The following SLC5A11 variants were observed in gnomAD, a reference collection of about 807,000 sequenced individuals.
The protein encoded by SLC5A11 is sodium/myo-inositol cotransporter 2.
Under a neutral mutation model 69.8 loss-of-function variants are expected in SLC5A11, and 48 were observed. That is an observed-to-expected ratio of 0.69 (90% CI 0.55 to 0.87). The LOEUF is 0.87. Among genes scored for constraint, SLC5A11 ranks in the 40% least tolerant of loss-of-function variants. The pLI is 0.00. For missense variants in SLC5A11, 784 were observed against 866.1 expected (o/e 0.91, Z 1.19); for synonymous variants, 319 against 342.4 (o/e 0.93, Z 0.75).
chr16:24,857,025 G>T lies in SLC5A11; in HGVS notation c.-24-1595G>T, dbSNP rs190214100. Among the ~76,000 whole-genome samples the T allele has an allele frequency of 4.7e-4, 72 of 152,212 alleles. 1 individual carries two copies. Among genetic ancestry groups the T allele is most frequent in the South Asian group, 3.7e-3 (18 of 4,818 alleles). On this transcript the variant is annotated intron_variant, in intron 1 of 15. Transcript: ENST00000347898. ...TAGTAGAGACGGGGTCCACCACGTT[G>T]CCCAGGTTGGACTTGAACCCCTGGC...
chr16:24,869,763 A>C (rs558028592), intron 3 of SLC5A11, 138 bp from the exon 5 acceptor site: 1 of 609,012 alleles, frequency 1.6e-6, no homozygotes, highest in Non-Finnish European at 2.9e-6. Flanking sequence ...TGTAAACAAA[A>C]ATGCCAGATA....
intron 7 of SLC5A11, among the ~76,000 whole-genome samples, chr16:24,879,192 T>A (rs1055649664): frequency 2.0e-5 from 3 of 152,022 alleles, no homozygotes; most frequent in African/African-American, 7.2e-5. Context: ...TAAGGTGATA[T>A]CTCAACCAAT....
At chr16:24,883,679 C>G (rs1178636672) in intron 7 of SLC5A11, among the ~76,000 whole-genome samples, 1 of 152,186 alleles carries the variant, frequency 6.6e-6, no homozygotes, top group Non-Finnish European at 1.5e-5. Flanking sequence ...CGTGGGGGCC[C>G]TCTTCCTTCA....
At chr16:24,848,844 C>T (rs554578241) in intron 1 of SLC5A11, among the ~76,000 whole-genome samples, 9 of 152,070 alleles carry the variant, frequency 5.9e-5, no homozygotes, top group Admixed American at 2.0e-4. Context: ...GAATGGATAT[C>T]GGGGAGGTAA....
chr16:24,906,878 C>A, intron 11 of SLC5A11, 114 bp downstream of exon 12: 1 of 1,392,064 alleles, frequency 7.2e-7, no homozygotes, highest in Non-Finnish European at 9.9e-7. Context: ...GGGAGGAAGA[C>A]TCTGGGCTCC....
intron 10 of SLC5A11, among the ~76,000 whole-genome samples, chr16:24,901,183 G>A (rs2049563736): frequency 6.6e-6 from 1 of 152,108 alleles, no homozygotes; most frequent in African/African-American, 2.4e-5. Flanking sequence ...GCAGCTCCTG[G>A]CACACAGTAA....
At chr16:24,886,590 C>G (rs1359935638) in intron 8 of SLC5A11, among the ~76,000 whole-genome samples, 1 of 151,986 alleles carries the variant, frequency 6.6e-6, no homozygotes, top group Admixed American at 6.6e-5. Context: ...ATATATCTAG[C>G]TAGGTGTGAA....
At chr16:24,895,220 A>G (rs953046426) in intron 9 of SLC5A11, among the ~76,000 whole-genome samples, 2 of 152,030 alleles carry the variant, frequency 1.3e-5, no homozygotes, top group Admixed American at 6.6e-5. Flanking sequence ...TGGGTGTGGC[A>G]GCTCATGCCT....
At chr16:24,880,332 A>G (rs2047957625) in intron 7 of SLC5A11, among the ~76,000 whole-genome samples, 1 of 151,958 alleles carries the variant, frequency 6.6e-6, no homozygotes, top group Admixed American at 6.6e-5. Flanking sequence ...GGTGCTACAC[A>G]CTTTTTTCTT....
chr16:24,859,477 G>A (rs2059672117), intron 2 of SLC5A11, among the ~76,000 whole-genome samples: 1 of 151,966 alleles, frequency 6.6e-6, no homozygotes, highest in Non-Finnish European at 1.5e-5. Flanking sequence ...ACAGTCACAT[G>A]GCTCACAAAT....
At chr16:24,901,960 A>ACACGCG (rs1029940258) in intron 10 of SLC5A11, among the ~76,000 whole-genome samples, 2 of 129,292 alleles carry the variant, frequency 1.5e-5, no homozygotes, top group Non-Finnish European at 3.4e-5. Context: ...ACACACACGC[A>ACACGCG]CACACACACA....
intron 13 of SLC5A11, 97 bp from the exon 15 acceptor site, chr16:24,908,784 C>T: frequency 8.8e-7 from 1 of 1,130,864 alleles, no homozygotes; most frequent in Non-Finnish European, 1.3e-6. Flanking sequence ...CTTGCAGTGA[C>T]CACCACAAGA....
At chr16:24,877,867 C>T (rs930025727) in intron 7 of SLC5A11, among the ~76,000 whole-genome samples, 7 of 152,228 alleles carry the variant, frequency 4.6e-5, no homozygotes, top group African/African-American at 1.7e-4. Flanking sequence ...GCCTGAAATC[C>T]CAGCTACTCA....
In SLC5A11 at chr16:24,894,802, AAAAC is replaced by A. The variant is rs570227609; in HGVS notation, c.871-3152_871-3149del. Among the ~76,000 whole-genome samples the A allele has an allele frequency of 4.6e-4, 68 of 148,904 alleles. 1 individual carries two copies. The highest frequency in any genetic ancestry group is 1.1e-3 in the South Asian group (5 of 4,642). On this transcript the variant is annotated intron_variant, in intron 9 of 15. Coordinates refer to ENST00000347898, the Ensembl canonical transcript of SLC5A11. ...GTGACAGAGCGAGACTCCGTCCCAA[AAAAC>A]AAACAAACAAACAAACAAAAAGGAA...
chr16:24,877,542 G>A (rs1034920224), intron 7 of SLC5A11, among the ~76,000 whole-genome samples, 179 bp downstream of exon 8: 1 of 152,078 alleles, frequency 6.6e-6, no homozygotes, highest in Non-Finnish European at 1.5e-5. Context: ...AAGGAAGGGG[G>A]TTACCTGATA....
chr16:24,872,957 G>A (rs1740483395), intron 5 of SLC5A11, among the ~76,000 whole-genome samples: 1 of 116,482 alleles, frequency 8.6e-6, no homozygotes, highest in Admixed American at 9.7e-5. Flanking sequence ...GGGCAACATG[G>A]TGAAAACCTG....
intron 10 of SLC5A11, among the ~76,000 whole-genome samples, chr16:24,906,452 C>T (rs2050067137): frequency 1.3e-5 from 2 of 152,142 alleles, no homozygotes; most frequent in East Asian, 1.9e-4. Context: ...CCTATAAAGT[C>T]GTGTTATTAT....
chr16:24,889,211 G>A (rs112068267), intron 8 of SLC5A11, among the ~76,000 whole-genome samples: 2,717 of 152,222 alleles, frequency 0.018, 101 homozygotes, highest in African/African-American at 0.062. Flanking sequence ...AGCCATATGC[G>A]GTGGCTCATG....
At chr16:24,906,922 C>G in intron 11 of SLC5A11, 103 bp from the exon 13 acceptor site, 1 of 1,500,572 alleles carries the variant, frequency 6.7e-7, no homozygotes, top group African/African-American at 1.4e-5. Flanking sequence ...GAAGCTCTGC[C>G]CCGCCGTCCT....
Sources: gnomAD v4.1 joint callset for allele counts (sites outside exome capture counted in the v4.1 genomes callset) on GRCh38, gnomAD v4.1.1 for gene constraint, MANE v1.5 for transcripts, NCBI Gene and HGNC (gene_info 2026-07-23, HGNC 2026-07-21) for gene names.